The following LAMA4 variants were observed in gnomAD, a reference collection of about 807,000 sequenced individuals.
LAMA4 encodes laminin subunit alpha 4.
Under a neutral mutation model 207.1 loss-of-function variants are expected in LAMA4, and 127 were observed. The ratio of observed to expected loss-of-function variants is 0.61; its 90% CI spans 0.53 to 0.71. LAMA4 has a LOEUF of 0.71. LAMA4 is among the 30% of genes least tolerant of loss of function. The pLI is 0.00. For synonymous variants in LAMA4, 761 were observed against 816.0 expected (o/e 0.93, Z 1.15); for missense variants, 2,093 against 2,246.5 (o/e 0.93, Z 1.38).
chr6:112,140,802 C>T lies in LAMA4; in HGVS notation c.2934G>A (p.Glu978=). The T allele has an allele frequency of 6.2e-7, 1 of 1,614,044 alleles. No homozygotes were observed. The highest frequency in any genetic ancestry group is 8.5e-7 in the Non-Finnish European group (1 of 1,179,956). The part of the protein sequence containing the change: ...GDDSLLDLDP[E]DTVFYVGGVP... ...CTCCACCAACATAAAACACTGTGTC[C>T]TCAGGGTCCAGGTCCAGCAGAGAGT... The change falls in exon 22 of 39, where the codon GAG becomes GAA. Residue 978 remains glutamate, a synonymous_variant. Transcript: ENST00000230538.
chr6:112,245,904 G>A (rs1345071836), intron 2 of LAMA4, among the ~76,000 whole-genome samples: 3 of 152,240 alleles, frequency 2.0e-5, no homozygotes, highest in East Asian at 3.9e-4. Context: ...ATTTGTTTAT[G>A]TATTTTTTTC....
intron 14 of LAMA4, among the ~76,000 whole-genome samples, chr6:112,157,452 T>C (rs1430498314): frequency 1.3e-5 from 2 of 152,190 alleles, no homozygotes; most frequent in African/African-American, 4.8e-5. Flanking sequence ...ACCAGACAGA[T>C]ATGGAAGGAT....
chr6:112,221,375 ATTAGAC>A (rs1268444457), intron 2 of LAMA4, among the ~76,000 whole-genome samples: 1 of 152,186 alleles, frequency 6.6e-6, no homozygotes, highest in Admixed American at 6.5e-5. Flanking sequence ...TCCTTTCTGA[ATTAGAC>A]TTAGAATTTG....
chr6:112,249,441 CA>C (rs71762704), intron 2 of LAMA4, among the ~76,000 whole-genome samples: 446 of 52,748 alleles, frequency 8.5e-3, no homozygotes, highest in African/African-American at 0.015. Flanking sequence ...GACTCTGTTT[CA>C]AAAAAAAAAA....
chr6:112,188,740 A>T (rs79018923), intron 7 of LAMA4, among the ~76,000 whole-genome samples: 14,349 of 152,232 alleles, frequency 0.094, 825 homozygotes, highest in South Asian at 0.15. Flanking sequence ...CAGTTTCCCC[A>T]GGTGTTGTAA....
intron 19 of LAMA4, 129 bp downstream of exon 19, chr6:112,144,665 G>T: frequency 9.2e-7 from 1 of 1,081,298 alleles, no homozygotes; most frequent in Non-Finnish European, 1.4e-6. Context: ...ATTAGCAAAT[G>T]GGGCTGAGAA....
intron 5 of LAMA4, among the ~76,000 whole-genome samples, chr6:112,199,188 G>A (rs1309323561): frequency 6.6e-6 from 1 of 152,130 alleles, no homozygotes; most frequent in South Asian, 2.1e-4. Context: ...AGAGGTGGGC[G>A]TGCAGTCCTG....
intron 5 of LAMA4, among the ~76,000 whole-genome samples, chr6:112,193,938 A>G (rs1783265654): frequency 6.6e-6 from 1 of 152,260 alleles, no homozygotes; most frequent in Admixed American, 6.5e-5. Context: ...AGAACAGGAA[A>G]TAAATTAACC....
At chr6:112,234,094 C>T (rs1418397658) in intron 2 of LAMA4, 1 of 152,080 alleles carries the variant, frequency 6.6e-6, no homozygotes, top group Non-Finnish European at 1.5e-5. Context: ...ATCTTGGAAG[C>T]AGTAATAATT....
At chr6:112,176,150 A>AT (rs1782011207) in intron 10 of LAMA4, among the ~76,000 whole-genome samples, 1 of 152,172 alleles carries the variant, frequency 6.6e-6, no homozygotes, top group Admixed American at 6.6e-5. Context: ...ACTCTAGGTC[A>AT]TTTTCACCCC....
intron 15 of LAMA4, 189 bp downstream of exon 15, chr6:112,155,376 C>T (rs1554336679): frequency 3.1e-6 from 2 of 642,880 alleles, no homozygotes. Flanking sequence ...GACTGGACTA[C>T]AGCACATCTC....
chr6:112,141,819 G>A (rs1224488509), intron 20 of LAMA4, among the ~76,000 whole-genome samples: 2 of 152,112 alleles, frequency 1.3e-5, no homozygotes, highest in Non-Finnish European at 2.9e-5. Flanking sequence ...TCTCTAAACA[G>A]GATTCAGCAT....
chr6:112,118,500 A>G lies in LAMA4; in HGVS notation c.4822-602T>C, dbSNP rs183269989. On this transcript the variant is annotated intron_variant, in intron 34 of 38. Transcript: ENST00000230538. This position sits in a 1 kb window ranked among gnomAD's most constrained non-coding sequence, Gnocchi z 4.6. ...TTTTTTGCTTCATCTACATATATTA[A>G]TAGGTCTTAGAAATTATTTTTAACA... Among the ~76,000 whole-genome samples the G allele has an allele frequency of 6.6e-6, 1 of 152,338 alleles. No individual in the cohort carries two copies. The highest frequency in any genetic ancestry group is 6.5e-5 in the Admixed American group (1 of 15,292).
intron 2 of LAMA4, among the ~76,000 whole-genome samples, chr6:112,246,059 G>C (rs1048403089): frequency 1.3e-5 from 2 of 152,068 alleles, no homozygotes; most frequent in African/African-American, 4.8e-5. Flanking sequence ...AGACTTTGAT[G>C]GGAAACTTAA....
Position 112,109,247 on chromosome 6 carries a change from C to T in LAMA4, c.*190G>A. ...TCCTTCAATTGTTGTCCATTGCAGA[C>T]ACTTTGGATTCAAGGTTAAGAATCC... On this transcript the variant is annotated 3_prime_UTR_variant, in exon 39 of 39. Transcript: ENST00000230538. The T allele has an allele frequency of 1.5e-6, 1 of 666,794 alleles. No homozygotes were observed. Among genetic ancestry groups the T allele is most frequent in the South Asian group, 1.8e-5 (1 of 54,630 alleles). The allele number at this position is 666,794 out of a possible 1,614,324, so 41.3% of individuals were successfully genotyped here. A position where few individuals can be genotyped will look rare whatever the true frequency, so the allele number is the denominator to read the frequency against.
At chr6:112,232,078 A>C (rs1400981128) in intron 2 of LAMA4, among the ~76,000 whole-genome samples, 1 of 152,202 alleles carries the variant, frequency 6.6e-6, no homozygotes, top group Non-Finnish European at 1.5e-5. Flanking sequence ...CCTCAGAAGA[A>C]TGGATCTTTA....
chr6:112,145,214 G>A (rs1186328241), intron 18 of LAMA4, among the ~76,000 whole-genome samples: 1 of 152,210 alleles, frequency 6.6e-6, no homozygotes, highest in Non-Finnish European at 1.5e-5. Context: ...TTGGCTCACA[G>A]CCACTATTGT....
chr6:112,136,286 C>G, intron 24 of LAMA4, 32 bp from the exon 25 acceptor site: 1 of 1,568,100 alleles, frequency 6.4e-7, no homozygotes, highest in East Asian at 2.2e-5. Flanking sequence ...AAGATAGGAA[C>G]ATCTGTTATG....
At chr6:112,228,218 T>C (rs1459307925) in intron 2 of LAMA4, among the ~76,000 whole-genome samples, 3 of 152,164 alleles carry the variant, frequency 2.0e-5, no homozygotes, top group East Asian at 1.9e-4. Flanking sequence ...GGAGTTGAAA[T>C]GGGGGAACCA....
Sources: gnomAD v4.1 joint callset for allele counts (sites outside exome capture counted in the v4.1 genomes callset) on GRCh38, gnomAD v4.1.1 for gene constraint, Gnocchi (gnomAD v3.1) non-coding constraint, MANE v1.5 for transcripts, NCBI Gene and HGNC (gene_info 2026-07-23, HGNC 2026-07-21) for gene names.